Variants in EDA observed in about 807,000 individuals in gnomAD.
The protein encoded by EDA is ectodysplasin-A.
EDA carries 2 observed loss-of-function variants against 23.6 expected under a neutral mutation model. That is an observed-to-expected ratio of 0.08 (90% CI 0.03 to 0.27). The LOEUF (loss-of-function observed/expected upper bound fraction) is 0.27. EDA is among the 10% of genes least tolerant of loss of function. EDA has a pLI of 1.00. For synonymous variants in EDA, 131 were observed against 132.0 expected (o/e 0.99, Z 0.05); for missense variants, 229 against 324.2 (o/e 0.71, Z 2.26).
chrX:69,722,138 G>C (rs2012607256), intron 1 of EDA, among the ~76,000 whole-genome samples: 1 of 111,475 alleles, frequency 9.0e-6, no homozygotes, highest in Non-Finnish European at 1.9e-5. Flanking sequence ...CTGTCTCTCT[G>C]TTTTCATCTT....
intron 1 of EDA, among the ~76,000 whole-genome samples, chrX:69,775,731 A>G (rs932635424): frequency 8.9e-6 from 1 of 112,038 alleles, no homozygotes; most frequent in African/African-American, 3.2e-5. Flanking sequence ...AATTTAATGA[A>G]CGCCAAAATT....
At chrX:69,753,957 A>G (rs1400379043) in intron 1 of EDA, among the ~76,000 whole-genome samples, 2 of 107,270 alleles carry the variant, frequency 1.9e-5, no homozygotes, top group Non-Finnish European at 3.8e-5. Context: ...TTTTGAGCCT[A>G]TGTGTGTTTC....
intron 2 of EDA, among the ~76,000 whole-genome samples, chrX:70,012,030 A>G (rs1340455047): frequency 1.8e-5 from 2 of 111,187 alleles, no homozygotes; most frequent in Non-Finnish European, 3.8e-5. Context: ...CCCTTTTCTT[A>G]TTGTCAGATA....
At chrX:69,641,129 G>GT (rs1395614119) in intron 1 of EDA, among the ~76,000 whole-genome samples, 38 of 105,893 alleles carry the variant, frequency 3.6e-4, no homozygotes, top group East Asian at 5.9e-4. Context: ...TTCGTTTGTT[G>GT]TTTTTTTTTT....
intron 2 of EDA, among the ~76,000 whole-genome samples, chrX:69,961,156 G>T (rs756197959): frequency 8.9e-6 from 1 of 111,805 alleles, no homozygotes; most frequent in Non-Finnish European, 1.9e-5. Context: ...TGTATTTTTA[G>T]TAGAGACTGG....
At chrX:69,713,471 G>A (rs2012176132) in intron 1 of EDA, among the ~76,000 whole-genome samples, 2 of 111,154 alleles carry the variant, frequency 1.8e-5, no homozygotes, top group African/African-American at 6.5e-5. Context: ...ACATCAAAAG[G>A]ATCCCTTGTT....
intron 2 of EDA, among the ~76,000 whole-genome samples, chrX:69,961,101 A>G (rs1019559831): frequency 1.8e-5 from 2 of 111,815 alleles, no homozygotes; most frequent in African/African-American, 6.5e-5. Context: ...TCATCATTTA[A>G]CAAATGTTTT....
At chrX:69,797,467 A>C (rs1430932425) in intron 1 of EDA, among the ~76,000 whole-genome samples, 3 of 111,707 alleles carry the variant, frequency 2.7e-5, no homozygotes, top group African/African-American at 9.7e-5. Context: ...TGAAAGAAAA[A>C]AGCTGCTAAT....
intron 1 of EDA, among the ~76,000 whole-genome samples, chrX:69,650,204 A>T (rs780321078): frequency 1.3e-4 from 14 of 111,933 alleles, no homozygotes; most frequent in Non-Finnish European, 2.6e-4. Context: ...AGGAAGTCAT[A>T]GGTGTTTGTT....
intron 1 of EDA, among the ~76,000 whole-genome samples, chrX:69,859,313 TTGTGA>T (rs774527784): frequency 2.1e-4 from 23 of 111,430 alleles, no homozygotes; most frequent in East Asian, 1.4e-3. Context: ...AGTCTTTAAG[TTGTGA>T]TGTTAGGTTA....
At chrX:70,027,828 A>C in intron 3 of EDA, 29 bp from the exon 4 acceptor site, 1 of 696,125 alleles carries the variant, frequency 1.4e-6, no homozygotes, top group South Asian at 2.3e-5. Context: ...GTCTCAAAAA[A>C]AAAAGTAACA....
intron 2 of EDA, among the ~76,000 whole-genome samples, chrX:69,981,691 T>C (rs1308347613): frequency 8.9e-6 from 1 of 112,367 alleles, no homozygotes; most frequent in African/African-American, 3.2e-5. Flanking sequence ...ACCAACTTTG[T>C]GCCCTCACTT....
chrX:69,681,243 T>C (rs1455485790), intron 1 of EDA, among the ~76,000 whole-genome samples: 4 of 110,338 alleles, frequency 3.6e-5, no homozygotes, highest in African/African-American at 6.6e-5. Context: ...TTCTCTCTGG[T>C]TGCCCTTAAC....
At chrX:69,674,686 T>C (rs1344316665) in intron 1 of EDA, among the ~76,000 whole-genome samples, 1 of 112,235 alleles carries the variant, frequency 8.9e-6, no homozygotes, top group Non-Finnish European at 1.9e-5. Flanking sequence ...CTTCATGTCC[T>C]GACTCCTTCC....
chrX:69,912,318 T>A (rs763959560), intron 1 of EDA, among the ~76,000 whole-genome samples: 15 of 111,899 alleles, frequency 1.3e-4, no homozygotes, highest in African/African-American at 4.9e-4. Flanking sequence ...AATGTTGATA[T>A]TTTGACCTGC....
intron 1 of EDA, among the ~76,000 whole-genome samples, chrX:69,745,982 G>A (rs190581718): frequency 7.1e-4 from 79 of 111,207 alleles, no homozygotes; most frequent in Non-Finnish European, 1.3e-3. Context: ...GCGAGCCTCC[G>A]TCTCAAGAAG....
intron 1 of EDA, among the ~76,000 whole-genome samples, chrX:69,671,161 T>A (rs1240965688): frequency 9.0e-6 from 1 of 111,132 alleles, no homozygotes; most frequent in Non-Finnish European, 1.9e-5. Context: ...AATGGTGTAG[T>A]CTTTGTGCAG....
chrX:70,016,096 A>G (rs1268307362), intron 2 of EDA, among the ~76,000 whole-genome samples: 1 of 111,943 alleles, frequency 8.9e-6, no homozygotes, highest in Non-Finnish European at 1.9e-5. Context: ...TTCAGACAAA[A>G]CAGCCTTTAA....
At chrX:69,627,636 A>G (rs1932434223) in intron 1 of EDA, among the ~76,000 whole-genome samples, 1 of 112,153 alleles carries the variant, frequency 8.9e-6, no homozygotes, top group Non-Finnish European at 1.9e-5. Flanking sequence ...AAATAAAAGC[A>G]TAAAGAAGAT....
Sources: gnomAD v4.1 joint callset for allele counts (sites outside exome capture counted in the v4.1 genomes callset) on GRCh38, gnomAD v4.1.1 for gene constraint, MANE v1.5 for transcripts, NCBI Gene and HGNC (gene_info 2026-07-23, HGNC 2026-07-21) for gene names.